Variants in LAMA4 observed in about 807,000 individuals in gnomAD.
LAMA4 encodes laminin subunit alpha 4.
Under a neutral mutation model 207.1 loss-of-function variants are expected in LAMA4, and 127 were observed. The ratio of observed to expected loss-of-function variants is 0.61; its 90% confidence interval spans 0.53 to 0.71. The LOEUF (loss-of-function observed/expected upper bound fraction) is 0.71. LAMA4 is among the 30% of genes least tolerant of loss of function. LAMA4 has a pLI of 0.00. For synonymous variants in LAMA4, 761 were observed against 816.0 expected (o/e 0.93, Z 1.15); for missense variants, 2,093 against 2,246.5 (o/e 0.93, Z 1.38).
At chr6:112,133,591 T>A in intron 26 of LAMA4, 104 bp from the exon 27 acceptor site, 2 of 1,287,780 alleles carry the variant, frequency 1.6e-6, no homozygotes, top group Non-Finnish European at 2.2e-6. Context: ...TGTAATGGCT[T>A]TATAATCATT....
chr6:112,223,681 T>C (rs1785045192), intron 2 of LAMA4, among the ~76,000 whole-genome samples: 1 of 152,202 alleles, frequency 6.6e-6, no homozygotes, highest in African/African-American at 2.4e-5. Flanking sequence ...TGTCTTGAGG[T>C]CCTGTGGGTA....
chr6:112,225,080 T>A (rs781889465), intron 2 of LAMA4, among the ~76,000 whole-genome samples: 1 of 152,106 alleles, frequency 6.6e-6, no homozygotes, highest in Non-Finnish European at 1.5e-5. Flanking sequence ...TACACTTTTA[T>A]GTATGGATGA....
intron 35 of LAMA4, among the ~76,000 whole-genome samples, chr6:112,116,767 TGGA>T (rs1210832089): frequency 2.6e-5 from 4 of 152,194 alleles, no homozygotes; most frequent in Non-Finnish European, 4.4e-5. Context: ...TTAGTGCTCA[TGGA>T]GTAGTATATA....
intron 5 of LAMA4, among the ~76,000 whole-genome samples, chr6:112,195,420 C>T (rs1308784112): frequency 2.0e-5 from 3 of 152,124 alleles, no homozygotes; most frequent in South Asian, 2.1e-4. Flanking sequence ...ACAGGGTCTA[C>T]GTGTGAAAAA....
intron 3 of LAMA4, chr6:112,213,692 C>T (rs1784474191): frequency 8.6e-6 from 2 of 233,360 alleles, no homozygotes; most frequent in Non-Finnish European, 1.6e-5. Context: ...GGCTGAATGG[C>T]TTAGGTCAGC....
At chr6:112,247,673 C>T (rs1376507326) in intron 2 of LAMA4, among the ~76,000 whole-genome samples, 1 of 152,112 alleles carries the variant, frequency 6.6e-6, no homozygotes, top group Non-Finnish European at 1.5e-5. Flanking sequence ...TTACCTGGCC[C>T]CTATAAGACT....
intron 19 of LAMA4, 111 bp from the exon 20 acceptor site, chr6:112,142,403 C>T: frequency 1.1e-6 from 1 of 947,886 alleles, no homozygotes; most frequent in Non-Finnish European, 1.7e-6. Context: ...CACCTCCATA[C>T]CTGTAGTTAT....
intron 13 of LAMA4, among the ~76,000 whole-genome samples, chr6:112,160,872 C>T (rs1211940373): frequency 2.0e-5 from 3 of 152,184 alleles, no homozygotes; most frequent in Non-Finnish European, 4.4e-5. Flanking sequence ...TTAAGAAAAT[C>T]TGACCATGTT....
chr6:112,139,978 A>G, intron 22 of LAMA4, 93 bp from the exon 23 acceptor site: 1 of 1,218,200 alleles, frequency 8.2e-7, no homozygotes, highest in Admixed American at 1.7e-5. Context: ...TAGGTCAAGG[A>G]GACCTACCCC....
intron 26 of LAMA4, among the ~76,000 whole-genome samples, chr6:112,134,106 T>TCA (rs2114663623): frequency 6.6e-6 from 1 of 152,304 alleles, no homozygotes; most frequent in African/African-American, 2.4e-5. Flanking sequence ...CAGATGCTAT[T>TCA]GGAGAGTTCA....
chr6:112,151,472 T>C (rs1780399809), intron 16 of LAMA4, among the ~76,000 whole-genome samples: 1 of 152,162 alleles, frequency 6.6e-6, no homozygotes, highest in Admixed American at 6.5e-5. Flanking sequence ...TTTGGGAGAA[T>C]TGTCATTTTT....
intron 2 of LAMA4, among the ~76,000 whole-genome samples, chr6:112,241,317 T>G (rs1412770220): frequency 6.6e-6 from 1 of 151,130 alleles, no homozygotes; most frequent in Non-Finnish European, 1.5e-5. Context: ...CCATTGTTAC[T>G]GAGATGATAC....
At chr6:112,165,096 G>T in intron 13 of LAMA4, 64 bp downstream of exon 13, 1 of 854,010 alleles carries the variant, frequency 1.2e-6, no homozygotes, top group Non-Finnish European at 2.1e-6. Context: ...ATTATTCTGT[G>T]ACACTGAGCT....
chr6:112,150,630 G>A lies in LAMA4; in HGVS notation c.2057-3C>T. ...GTCAGCCACTGCTTCATCACTGCCT[G>A]TGGAAGAGCAGCAGAAAGAAGTACT... On this transcript the variant is annotated splice_region_variant and splice_polypyrimidine_tract_variant and intron_variant, in intron 16 of 38. Coordinates refer to ENST00000230538, the MANE Select transcript of LAMA4 (RefSeq NM_001105206.3). 2 of 1,608,344 alleles carry A rather than the reference G, an allele frequency of 1.2e-6. No homozygotes were observed. The highest frequency in any genetic ancestry group is 1.3e-5 in the African/African-American group (1 of 74,930).
rs1179713276 is a variant in LAMA4 at position 112,148,201 on chromosome 6, T to C, written c.2309A>G (p.Asp770Gly). ...CACTGCAGTGTTGTAAGCAGAAGAG[T>C]CAAAATGTTGAAGATTCTGTGACCA... ...TNWSQNLQHF[D>G]SSAYNTAVNS... Residue 770 changes from aspartate to glycine, a missense_variant, in exon 18 of 39, where the codon GAC (aspartate) becomes GGC (glycine). Physicochemically the swap from Asp to Gly is moderately conservative, Grantham distance 94. Coordinates refer to ENST00000230538, the MANE Select transcript of LAMA4 (RefSeq NM_001105206.3). 3 of 1,613,944 alleles carry C rather than the reference T, an allele frequency of 1.9e-6. No homozygotes were observed. In the African/African-American group the frequency reaches 4.0e-5, roughly 22 times the overall value.
rs782769541 is a variant in LAMA4 at position 112,179,893 on chromosome 6, T to C, written c.1078-1661A>G. On this transcript the variant is annotated intron_variant, in intron 9 of 38. Transcript: ENST00000230538. ...TGGGCTCTCTGAATGGACACTGTCTTCTGAGTCATTATACTCCTTCCTGCA... is the reference window on the plus strand; with the variant it reads ...TGGGCTCTCTGAATGGACACTGTCTCCTGAGTCATTATACTCCTTCCTGCA... 7.5e-6 allele frequency: 4 copies of C among 532,550 alleles called. No homozygotes were observed. The African/African-American group carries it at 7.7e-5, about 10-fold the overall frequency. The allele number at this position is 532,550 out of a possible 1,614,324, so 33.0% of individuals were successfully genotyped here. A position where few individuals can be genotyped will look rare whatever the true frequency, so the allele number is the denominator to read the frequency against.
intron 24 of LAMA4, among the ~76,000 whole-genome samples, chr6:112,136,761 T>G (rs1779378858): frequency 6.6e-6 from 1 of 152,018 alleles, no homozygotes. Flanking sequence ...ACATAAAAGT[T>G]AATATTTATA....
chr6:112,202,855 A>G (rs1245772813), intron 4 of LAMA4, among the ~76,000 whole-genome samples: 1 of 152,204 alleles, frequency 6.6e-6, no homozygotes, highest in Non-Finnish European at 1.5e-5. Context: ...TCCACCCAGC[A>G]GCCTGCCCAC....
rs782403895 is a variant in LAMA4, at chr6:112,142,170, C to A, written c.2616G>T (p.Pro872=). 1.9e-6 allele frequency: 3 copies of A among 1,614,084 alleles called. No homozygotes were observed. The highest frequency in any genetic ancestry group is 2.5e-6 in the Non-Finnish European group (3 of 1,179,994). ...ACTGATCTGCAGTCTCGGTCAGTTCCGGCCGCTTCACAGGGGGTTTCATGT... is the reference window on the plus strand; with the variant it reads ...ACTGATCTGCAGTCTCGGTCAGTTCAGGCCGCTTCACAGGGGGTTTCATGT... ...SLYMKPPVKR[P]ELTETADQFI... is the part of the protein sequence containing the mutation. The change falls in exon 20 of 39, where the codon CCG becomes CCT. Residue 872 remains proline (P), a synonymous_variant. Coordinates refer to ENST00000230538, the MANE Select transcript of LAMA4 (RefSeq NM_001105206.3).
Sources: gnomAD v4.1 joint callset for allele counts (sites outside exome capture counted in the v4.1 genomes callset) on GRCh38, gnomAD v4.1.1 for gene constraint, MANE v1.5 for transcripts, NCBI Gene and HGNC (gene_info 2026-07-23, HGNC 2026-07-21) for gene names.